Variants in TNRC6A observed in about 807,000 individuals in gnomAD.
TNRC6A encodes trinucleotide repeat-containing gene 6A protein.
Under a neutral mutation model 221.2 loss-of-function variants are expected in TNRC6A, and 44 were observed. The ratio of observed to expected loss-of-function variants is 0.20; its 90% CI spans 0.16 to 0.26. TNRC6A has a LOEUF of 0.26. Among genes scored for constraint, TNRC6A ranks in the 10% least tolerant of loss-of-function variants. The pLI is 1.00. For missense variants in TNRC6A, 2,199 were observed against 2,404.4 expected, an observed-to-expected ratio of 0.91 and a Z score of 1.79; for synonymous variants, 847 against 838.5, an observed-to-expected ratio of 1.01 and a Z score of -0.18.
chr16:24,735,680 C>G (rs1305662348), intron 2 of TNRC6A, among the ~76,000 whole-genome samples: 2 of 152,138 alleles, frequency 1.3e-5, no homozygotes, highest in Non-Finnish European at 2.9e-5. Context: ...TCTGTAAGCT[C>G]TTTTGATTTT....
intron 1 of TNRC6A, among the ~76,000 whole-genome samples, chr16:24,626,899 G>A (rs1441476962): frequency 6.7e-6 from 1 of 150,000 alleles, no homozygotes; most frequent in South Asian, 2.1e-4. Context: ...TGATCCACCC[G>A]CCTTGGCCTC....
At chr16:24,703,408 T>C (rs1386828877) in intron 2 of TNRC6A, among the ~76,000 whole-genome samples, 1 of 152,170 alleles carries the variant, frequency 6.6e-6, no homozygotes, top group Non-Finnish European at 1.5e-5. Flanking sequence ...TATTAGTCCA[T>C]TGAATGGATG....
At chr16:24,679,575 C>G (rs184055751) in intron 2 of TNRC6A, among the ~76,000 whole-genome samples, 221 of 151,758 alleles carry the variant, frequency 1.5e-3, no homozygotes, top group African/African-American at 5.1e-3. Context: ...CTCCTGAGTT[C>G]TAGCAATTCT....
At chr16:24,657,708 C>CAA (rs35669037) in intron 2 of TNRC6A, among the ~76,000 whole-genome samples, 2,883 of 121,964 alleles carry the variant, frequency 0.024, 53 homozygotes, top group Non-Finnish European at 0.035. Context: ...AGCTCCATCT[C>CAA]AAAAAAAAAA....
chr16:24,660,463 A>AT (rs1051411635), intron 2 of TNRC6A, among the ~76,000 whole-genome samples: 2 of 151,606 alleles, frequency 1.3e-5, no homozygotes, highest in Non-Finnish European at 2.9e-5. Context: ...TATATATCAG[A>AT]TTTTTAATCC....
chr16:24,817,133 A>G (rs1376943987), intron 20 of TNRC6A, among the ~76,000 whole-genome samples, 177 bp downstream of exon 20: 1 of 152,160 alleles, frequency 6.6e-6, no homozygotes, highest in African/African-American at 2.4e-5. Flanking sequence ...TTTAAAAAAG[A>G]AAGAAAACGA....
chr16:24,730,895 T>A (rs1323879822), intron 2 of TNRC6A, among the ~76,000 whole-genome samples: 1 of 151,808 alleles, frequency 6.6e-6, no homozygotes, highest in Non-Finnish European at 1.5e-5. Flanking sequence ...TATCAGCTGG[T>A]AAAATAATTA....
intron 1 of TNRC6A, among the ~76,000 whole-genome samples, chr16:24,640,336 G>A (rs182205727): frequency 2.4e-4 from 36 of 151,698 alleles, no homozygotes; most frequent in Non-Finnish European, 4.4e-4. Flanking sequence ...GGAGGCCAAG[G>A]CTGCAGTGGG....
chr16:24,649,709 GTACAA>G (rs1378939964), intron 2 of TNRC6A, among the ~76,000 whole-genome samples: 1 of 149,640 alleles, frequency 6.7e-6, no homozygotes, highest in Non-Finnish European at 1.5e-5. Flanking sequence ...TCACCATGTT[GTACAA>G]TACATCTCTT....
chr16:24,675,702 CTATATATATATATATATATATA>C (rs60165161), intron 2 of TNRC6A, among the ~76,000 whole-genome samples: 61 of 33,268 alleles, frequency 1.8e-3, no homozygotes, highest in African/African-American at 7.2e-3. Flanking sequence ...CTCTCTCTCT[CTATATATATATATATATATATA>C]TATATATATA....
intron 4 of TNRC6A, among the ~76,000 whole-genome samples, chr16:24,771,566 G>GTTGTTATGTT (rs879687692): frequency 1.0e-5 from 1 of 96,526 alleles, no homozygotes; most frequent in Non-Finnish European, 2.2e-5. Context: ...TATGTTTTAT[G>GTTGTTATGTT]TTATGTTATG....
At chr16:24,816,022 G>A (rs2058649608) in intron 19 of TNRC6A, 1 of 152,410 alleles carries the variant, frequency 6.6e-6, no homozygotes. Flanking sequence ...AAATGTTACT[G>A]TTTAAAAATA....
Position 24,790,220 on chromosome 16 carries a change from T to C in TNRC6A, c.1578T>C (p.Gly526=), listed in dbSNP as rs1230337402. 6.2e-7 allele frequency: 1 copy of C among 1,614,132 alleles called. No homozygotes were observed. The highest frequency in any genetic ancestry group is 1.7e-5 in the Admixed American group (1 of 60,016). ...GSYGTTWGAY[G]SNYSGDKCSG... The stretch of plus-strand genomic sequence containing the variant: ...ATGGTACTACATGGGGTGCCTATGG[T>C]TCTAATTACTCTGGAGACAAATGTT... Residue 526 remains glycine (G), a synonymous_variant, in exon 6 of 25, where the codon GGT becomes GGC. Coordinates refer to ENST00000395799, the MANE Select transcript of TNRC6A (RefSeq NM_014494.4).
At chr16:24,723,139 G>A (rs2056439521) in intron 2 of TNRC6A, among the ~76,000 whole-genome samples, 1 of 152,084 alleles carries the variant, frequency 6.6e-6, no homozygotes, top group African/African-American at 2.4e-5. Context: ...TTGCCTTGCT[G>A]GTTTCTTCAT....
intron 2 of TNRC6A, among the ~76,000 whole-genome samples, chr16:24,666,251 G>A (rs1024033541): frequency 3.3e-5 from 5 of 151,758 alleles, no homozygotes; most frequent in African/African-American, 1.2e-4. Context: ...GGTGGATCAC[G>A]AGGTCAGGAG....
rs576299227 is a variant in TNRC6A at position 24,677,318 on chromosome 16, A to G, written n.402+36309A>G. Among the ~76,000 whole-genome samples the G allele has an allele frequency of 2.6e-5, 4 of 151,790 alleles. No individual in the cohort carries two copies. In the South Asian group the frequency reaches 8.3e-4, roughly 32 times the overall value. Reference sequence around the variant, plus strand: ...GCTGGGATTACAGGCACCCACCACCACACCCAGCTAATTTTTGTATTTTTA... The same window carrying G: ...GCTGGGATTACAGGCACCCACCACCGCACCCAGCTAATTTTTGTATTTTTA... On this transcript the variant is annotated intron_variant and non_coding_transcript_variant, in intron 2 of 2. Coordinates refer to the TNRC6A transcript ENST00000566108.
intron 2 of TNRC6A, 71 bp from the exon 3 acceptor site, chr16:24,750,655 G>T: frequency 7.2e-7 from 1 of 1,394,642 alleles, no homozygotes; most frequent in Admixed American, 2.8e-5. Context: ...AAGTGAAAAT[G>T]AATCTGTATG....
chr16:24,779,889 T>C (rs1213013916), intron 5 of TNRC6A, among the ~76,000 whole-genome samples: 2 of 152,228 alleles, frequency 1.3e-5, no homozygotes, highest in Non-Finnish European at 1.5e-5. Context: ...AATCCTGTGC[T>C]AGTCAAACTA....
chr16:24,799,128 T>C (rs1461895427), intron 11 of TNRC6A, among the ~76,000 whole-genome samples: 1 of 152,184 alleles, frequency 6.6e-6, no homozygotes, highest in Admixed American at 6.5e-5. Flanking sequence ...GCAAAGCTGC[T>C]GTGCTGCAGG....
Sources: allele counts gnomAD v4.1 joint callset (sites outside exome capture counted in the v4.1 genomes callset), GRCh38; gene constraint gnomAD v4.1.1; transcripts MANE v1.5; gene names NCBI Gene and HGNC (gene_info 2026-07-23, HGNC 2026-07-21).